LRP1B: variants seen among roughly 807,000 people sequenced by gnomAD.
LRP1B encodes low-density lipoprotein receptor-related protein 1B.
A neutral mutation model predicts 556.6 loss-of-function variants in LRP1B; 217 were observed. The ratio of observed to expected loss-of-function variants is 0.39; its 90% CI spans 0.35 to 0.44. The LOEUF (loss-of-function observed/expected upper bound fraction) is 0.44, where lower values mean the gene tolerates loss of function less well. LRP1B is among the 20% of genes least tolerant of loss of function. LRP1B has a pLI of 1.00. For synonymous variants in LRP1B, 2,047 were observed against 1,865.8 expected (o/e 1.10, Z -2.50); for missense variants, 5,053 against 5,620.8 (o/e 0.90, Z 3.23).
At position 141,520,230 on chromosome 2, in the gene LRP1B, C is replaced by T. The variant is rs138461122; in HGVS notation, c.206-39697G>A. On this transcript the variant is annotated intron_variant, in intron 2 of 90. Transcript: ENST00000389484. Reference sequence around the variant, plus strand: ...AAGGCAAGTGGATTTTAATAAAGGGCAATACCAGTGATTTCAAAGAAAGAG... The same window carrying T: ...AAGGCAAGTGGATTTTAATAAAGGGTAATACCAGTGATTTCAAAGAAAGAG... 3.2e-4 allele frequency among the ~76,000 whole-genome samples: 48 copies of T among 152,182 alleles called. 1 individual carries two copies. In the East Asian group the frequency reaches 8.9e-3, roughly 28 times the overall value.
chr2:140,999,807 A>C (rs568229829), intron 15 of LRP1B, among the ~76,000 whole-genome samples: 27 of 152,186 alleles, frequency 1.8e-4, no homozygotes, highest in Non-Finnish European at 3.8e-4. Flanking sequence ...AGTAAGGATG[A>C]AAGGTTGGAG....
At chr2:142,039,152 T>C (rs1269229714) in intron 1 of LRP1B, among the ~76,000 whole-genome samples, 2 of 151,544 alleles carry the variant, frequency 1.3e-5, no homozygotes, top group African/African-American at 4.8e-5. Flanking sequence ...TGAGTTTTTA[T>C]TATGGCAGAG....
chr2:141,250,169 T>C (rs1684209031), intron 4 of LRP1B, among the ~76,000 whole-genome samples: 1 of 152,186 alleles, frequency 6.6e-6, no homozygotes, highest in Admixed American at 6.5e-5. Context: ...CTAAAATACT[T>C]GGAATTTTTT....
At chr2:140,522,829 C>A (rs1469705698) in intron 49 of LRP1B, among the ~76,000 whole-genome samples, 2 of 151,726 alleles carry the variant, frequency 1.3e-5, no homozygotes, top group Non-Finnish European at 2.9e-5. Flanking sequence ...CACAATCTCC[C>A]AAAATTGAGT....
intron 20 of LRP1B, among the ~76,000 whole-genome samples, chr2:140,924,005 G>C (rs148599552): frequency 9.2e-4 from 140 of 152,052 alleles, no homozygotes; most frequent in Non-Finnish European, 1.5e-3. Flanking sequence ...AAATATTACA[G>C]TAAATAGATA....
At chr2:140,766,860 AT>A (rs1689137844) in intron 35 of LRP1B, among the ~76,000 whole-genome samples, 1 of 38,336 alleles carries the variant, frequency 2.6e-5, no homozygotes, top group African/African-American at 6.7e-5. Context: ...ATATATATAT[AT>A]ATATAATATA....
chr2:141,457,102 A>G (rs1211049827), intron 3 of LRP1B, among the ~76,000 whole-genome samples: 2 of 152,186 alleles, frequency 1.3e-5, no homozygotes, highest in Admixed American at 1.3e-4. Flanking sequence ...AGGCAGAACT[A>G]AGTCAGGAGG....
intron 3 of LRP1B, among the ~76,000 whole-genome samples, chr2:141,328,995 G>A (rs567965646): frequency 3.3e-5 from 5 of 152,062 alleles, no homozygotes; most frequent in Admixed American, 2.0e-4. Flanking sequence ...AATACAAAAG[G>A]GTCATGTCAG....
intron 3 of LRP1B, among the ~76,000 whole-genome samples, chr2:141,447,231 G>A (rs1426518223): frequency 1.3e-5 from 2 of 151,490 alleles, no homozygotes; most frequent in South Asian, 2.1e-4. Context: ...TATGCTTCAC[G>A]AAGTACTCGT....
intron 17 of LRP1B, among the ~76,000 whole-genome samples, chr2:140,986,207 T>C (rs969797192): frequency 5.3e-5 from 8 of 152,090 alleles, no homozygotes; most frequent in African/African-American, 1.9e-4. Context: ...GTTATTTTAA[T>C]TATGAATAGC....
chr2:141,436,922 A>G (rs997146982), intron 3 of LRP1B, among the ~76,000 whole-genome samples: 4 of 152,158 alleles, frequency 2.6e-5, no homozygotes, highest in Admixed American at 2.0e-4. Context: ...CACCTTTTGG[A>G]TGAGAATAAT....
At chr2:140,724,778 G>A (rs1426146027) in intron 35 of LRP1B, among the ~76,000 whole-genome samples, 3 of 144,668 alleles carry the variant, frequency 2.1e-5, no homozygotes, top group Admixed American at 7.3e-5. Context: ...ATGCTTATAC[G>A]GAATCTTGAC....
At chr2:141,172,690 T>C (rs1211669380) in intron 7 of LRP1B, among the ~76,000 whole-genome samples, 1 of 152,024 alleles carries the variant, frequency 6.6e-6, no homozygotes, top group Non-Finnish European at 1.5e-5. Context: ...TCATGCAATA[T>C]TCAATTGGCT....
At chr2:141,354,786 A>G (rs1450534171) in intron 3 of LRP1B, among the ~76,000 whole-genome samples, 1 of 152,048 alleles carries the variant, frequency 6.6e-6, no homozygotes, top group Non-Finnish European at 1.5e-5. Flanking sequence ...ATAAAAAAAA[A>G]ACTGAAAAAA....
chr2:141,894,338 C>T (rs1482238025), intron 1 of LRP1B, among the ~76,000 whole-genome samples: 1 of 152,020 alleles, frequency 6.6e-6, no homozygotes, highest in Non-Finnish European at 1.5e-5. Flanking sequence ...CCCTCCCTCC[C>T]TCCTTCCCTC....
chr2:141,111,009 G>T (rs890534792), intron 7 of LRP1B, among the ~76,000 whole-genome samples: 15 of 152,106 alleles, frequency 9.9e-5, no homozygotes, highest in African/African-American at 3.6e-4. Context: ...GTCTACTTTG[G>T]AAAGAAGTGA....
At chr2:141,936,316 A>G (rs947791677) in intron 1 of LRP1B, among the ~76,000 whole-genome samples, 3 of 152,240 alleles carry the variant, frequency 2.0e-5, no homozygotes, top group African/African-American at 7.2e-5. Flanking sequence ...TGATATGTCT[A>G]TGTAGAAAAT....
intron 29 of LRP1B, among the ~76,000 whole-genome samples, chr2:140,848,530 G>A (rs1391302952): frequency 6.6e-6 from 1 of 151,798 alleles, no homozygotes; most frequent in Non-Finnish European, 1.5e-5. Flanking sequence ...AAAGGATAGT[G>A]AATAAAATCT....
intron 2 of LRP1B, among the ~76,000 whole-genome samples, chr2:141,672,353 G>A (rs1264687784): frequency 1.3e-5 from 2 of 152,218 alleles, no homozygotes; most frequent in East Asian, 1.9e-4. Flanking sequence ...AGGGCATTGT[G>A]CAGTAATCCA....
Sources: allele counts gnomAD v4.1 joint callset (sites outside exome capture counted in the v4.1 genomes callset), GRCh38; gene constraint gnomAD v4.1.1; transcripts MANE v1.5; gene names NCBI Gene and HGNC (gene_info 2026-07-23, HGNC 2026-07-21).